The following TSPAN9 variants were observed in gnomAD, a reference collection of about 807,000 sequenced individuals.
The protein encoded by TSPAN9 is tetraspanin-9.
A neutral mutation model predicts 31.0 loss-of-function variants in TSPAN9; 16 were observed. The observed-to-expected ratio is 0.52, with a 90% CI of 0.35 to 0.78. TSPAN9 has a LOEUF of 0.78. Ranked by LOEUF, TSPAN9 falls within the 30% of genes least tolerant of loss-of-function variation. TSPAN9 has a pLI of 0.01. For synonymous variants in TSPAN9, 145 were observed against 121.6 expected (o/e 1.19, Z -1.27); for missense variants, 272 against 312.5 (o/e 0.87, Z 0.98).
intron 2 of TSPAN9, among the ~76,000 whole-genome samples, chr12:3,163,700 C>T (rs2098346741): frequency 6.6e-6 from 1 of 152,158 alleles, no homozygotes; most frequent in African/African-American, 2.4e-5. Flanking sequence ...TGTTCCCAAT[C>T]CATTGCGTAT....
intron 2 of TSPAN9, among the ~76,000 whole-genome samples, chr12:3,110,219 A>C (rs1434876424): frequency 6.6e-6 from 1 of 152,144 alleles, no homozygotes; most frequent in African/African-American, 2.4e-5. Context: ...AGGTTTAAGT[A>C]CAGAGGCCAA....
chr12:3,206,173 A>C (rs1426595965), intron 3 of TSPAN9: 1 of 396,530 alleles, frequency 2.5e-6, no homozygotes, highest in African/African-American at 2.0e-5. Flanking sequence ...ACTTGGTGGC[A>C]GACTCTGTGG....
intron 2 of TSPAN9, among the ~76,000 whole-genome samples, chr12:3,186,570 G>GTGTGTGTA (rs1458586494): frequency 6.8e-6 from 1 of 148,076 alleles, no homozygotes; most frequent in Non-Finnish European, 1.5e-5. Context: ...GTGTGTGTGT[G>GTGTGTGTA]TGTGTGTATA....
At chr12:3,237,332 AGGCT>A (rs2098394320) in intron 3 of TSPAN9, among the ~76,000 whole-genome samples, 3 of 152,162 alleles carry the variant, frequency 2.0e-5, no homozygotes, top group Non-Finnish European at 4.4e-5. Flanking sequence ...GATCAAAGAC[AGGCT>A]GGTGCCCACC....
rs576026587 is a variant in TSPAN9, at chr12:3,239,911, G to T, written c.64-38510G>T. ...AAGCCAAAAAAACACTGACTATATA[G>T]GGGGGGGACGAGGGAGGGCATTGCC... On this transcript the variant is annotated intron_variant, in intron 3 of 8. Coordinates refer to ENST00000011898, the MANE Select transcript of TSPAN9 (RefSeq NM_006675.5). Among the ~76,000 whole-genome samples the T allele has an allele frequency of 5.7e-3, 841 of 148,724 alleles. 7 individuals carry two copies. Among genetic ancestry groups the T allele is most frequent in the African/African-American group, 0.02 (794 of 39,488 alleles).
intron 2 of TSPAN9, among the ~76,000 whole-genome samples, chr12:3,188,337 C>T (rs2098362514): frequency 6.6e-6 from 1 of 152,214 alleles, no homozygotes; most frequent in African/African-American, 2.4e-5. Context: ...TGTGCCCTGC[C>T]AGGCTCCTGC....
At chr12:3,224,392 G>A (rs1051702206) in intron 3 of TSPAN9, among the ~76,000 whole-genome samples, 1 of 152,258 alleles carries the variant, frequency 6.6e-6, no homozygotes, top group African/African-American at 2.4e-5. Context: ...GAGCGTCAGA[G>A]AGGGGAGAGC....
rs1262408981 is a variant in TSPAN9, at chr12:3,280,984, C to T, written c.433-214C>T. Among the ~76,000 whole-genome samples the T allele has an allele frequency of 1.3e-5, 2 of 152,184 alleles. 1 individual carries two copies. The highest frequency in any genetic ancestry group is 4.1e-4 in the South Asian group (2 of 4,834). On this transcript the variant is annotated intron_variant, in intron 6 of 8. Transcript: ENST00000011898. This position sits in a 1 kb window ranked among gnomAD's most constrained non-coding sequence, Gnocchi z 4.5. ...AGGGGTGGGCTGCATTGCCCTCTCC[C>T]GCTCTGGTCTCCAGGAAGGAGTGCT... is the stretch of plus-strand genomic sequence containing the variant.
intron 6 of TSPAN9, 113 bp from the exon 7 acceptor site, chr12:3,281,085 T>G: frequency 6.7e-7 from 1 of 1,501,432 alleles, no homozygotes; most frequent in Non-Finnish European, 8.9e-7. Flanking sequence ...CTCCCTTAAC[T>G]GCAGGGTGGC....
intron 3 of TSPAN9, among the ~76,000 whole-genome samples, chr12:3,258,520 G>C (rs565207086): frequency 7.9e-5 from 12 of 152,156 alleles, no homozygotes; most frequent in African/African-American, 2.7e-4. Flanking sequence ...AAGAGTGGTC[G>C]TGGGAGCCTT....
chr12:3,141,913 C>T (rs2098335054), intron 2 of TSPAN9, among the ~76,000 whole-genome samples: 1 of 152,228 alleles, frequency 6.6e-6, no homozygotes, highest in Non-Finnish European at 1.5e-5. Flanking sequence ...GCAAGGACCC[C>T]ATCCCAAGTT....
intron 3 of TSPAN9, chr12:3,211,644 A>G (rs2098378786): frequency 7.4e-7 from 1 of 1,344,756 alleles, no homozygotes; most frequent in Admixed American, 1.9e-5. Context: ...TTTCCCACTC[A>G]TCTTGACTCA....
intron 3 of TSPAN9, among the ~76,000 whole-genome samples, chr12:3,223,149 A>C (rs548166402): frequency 6.6e-6 from 1 of 152,358 alleles, no homozygotes; most frequent in African/African-American, 2.4e-5. Context: ...AGAAGCCGCT[A>C]TTGTGCTAGG....
intron 2 of TSPAN9, among the ~76,000 whole-genome samples, chr12:3,148,761 C>A (rs760858332): frequency 2.6e-5 from 4 of 152,206 alleles, no homozygotes; most frequent in Non-Finnish European, 1.5e-5. Context: ...CTCTCCAGCT[C>A]GGCTGGGAAG....
At chr12:3,121,344 GA>G (rs2098324974) in intron 2 of TSPAN9, among the ~76,000 whole-genome samples, 6 of 124,592 alleles carry the variant, frequency 4.8e-5, no homozygotes, top group African/African-American at 1.5e-4. Context: ...CAAAACAGGG[GA>G]TGTTGGCTTT....
chr12:3,174,799 G>A (rs28522275), intron 2 of TSPAN9, among the ~76,000 whole-genome samples: 4 of 149,430 alleles, frequency 2.7e-5, no homozygotes, highest in East Asian at 2.1e-4. Flanking sequence ...AGCCAGGATG[G>A]TCTCGATCTC....
chr12:3,094,520 CTTGTTG>C (rs1169208072), intron 2 of TSPAN9, among the ~76,000 whole-genome samples: 3 of 145,388 alleles, frequency 2.1e-5, no homozygotes, highest in East Asian at 2.0e-4. Flanking sequence ...AATCAATTAT[CTTGTTG>C]TTGTTGTTGT....
intron 3 of TSPAN9, among the ~76,000 whole-genome samples, chr12:3,221,629 G>A (rs371911693): frequency 2.0e-5 from 3 of 152,212 alleles, no homozygotes; most frequent in South Asian, 2.1e-4. Context: ...AAAGTGCTGG[G>A]ATTATAGGCG....
At chr12:3,244,710 A>G (rs2098398538) in intron 3 of TSPAN9, among the ~76,000 whole-genome samples, 1 of 152,116 alleles carries the variant, frequency 6.6e-6, no homozygotes, top group Non-Finnish European at 1.5e-5. Context: ...CTCTTTAGTC[A>G]CGGTGTGAGA....
Sources: allele counts gnomAD v4.1 joint callset (sites outside exome capture counted in the v4.1 genomes callset), GRCh38; gene constraint gnomAD v4.1.1; non-coding constraint Gnocchi (gnomAD v3.1); transcripts MANE v1.5; gene names NCBI Gene and HGNC (gene_info 2026-07-23, HGNC 2026-07-21).